SLC4A8: variants seen among roughly 807,000 people sequenced by gnomAD.
SLC4A8 encodes the protein electroneutral sodium bicarbonate exchanger 1.
Under a neutral mutation model 125.0 loss-of-function variants are expected in SLC4A8, and 40 were observed. That is an observed-to-expected ratio of 0.32 (90% CI 0.25 to 0.42). The LOEUF (loss-of-function observed/expected upper bound fraction) is 0.42. Among genes scored for constraint, SLC4A8 ranks in the 10% least tolerant of loss-of-function variants. The pLI, the probability that SLC4A8 is intolerant of heterozygous loss-of-function variation, is 1.00. For missense variants in SLC4A8, 863 were observed against 1,355.1 expected, an observed-to-expected ratio of 0.64 and a Z score of 5.70; for synonymous variants, 456 against 476.0, an observed-to-expected ratio of 0.96 and a Z score of 0.55.
Position 51,485,826 on chromosome 12 carries a change from A to G in SLC4A8, c.2212A>G (p.Ile738Val), listed in dbSNP as rs761124198. ...MVSDFAVFLT[I>V]FTMVIIDFLI... ...GAGTGACTTTGCTGTTTTCCTCACT[A>G]TCTTCACAATGGTGATTATTGATTT... is the stretch of plus-strand genomic sequence containing the variant. Residue 738 changes from isoleucine to valine, a missense_variant, in exon 17 of 25, where the codon ATC becomes GTC. Around this residue, in one of 6 missense-constraint regions of SLC4A8, gnomAD observed 197 missense variants for 377.7 expected, o/e 0.52. Coordinates refer to ENST00000453097, the MANE Select transcript of SLC4A8 (RefSeq NM_001039960.3). 2.1e-5 allele frequency: 34 copies of G among 1,613,458 alleles called. No homozygotes were observed. In the East Asian group the frequency reaches 6.7e-4, roughly 32 times the overall value.
intron 1 of SLC4A8, among the ~76,000 whole-genome samples, chr12:51,434,236 G>A (rs1329047604): frequency 1.3e-5 from 2 of 151,960 alleles, no homozygotes; most frequent in Non-Finnish European, 2.9e-5. Context: ...TATTTCATGA[G>A]TAAAAATTTC....
At chr12:51,459,675 G>T (rs1233068621) in intron 7 of SLC4A8, among the ~76,000 whole-genome samples, 3 of 152,036 alleles carry the variant, frequency 2.0e-5, no homozygotes, top group African/African-American at 7.3e-5. Flanking sequence ...TTTGAGACTA[G>T]ACTGGCGAAA....
chr12:51,470,409 G>A lies in SLC4A8; in HGVS notation c.1542G>A (p.Leu514=). The A allele has an allele frequency of 6.2e-7, 1 of 1,614,060 alleles. No homozygotes were observed. The highest frequency in any genetic ancestry group is 1.7e-4 in the Middle Eastern group (1 of 6,060). Residue 514 remains leucine, a synonymous_variant, in exon 13 of 25, where the codon TTG becomes TTA. Transcript: ENST00000453097. ...TEGRISAIES[L]FGASMTGIAY... Reference sequence around the variant, plus strand: ...CCTCTCAGAGTGCAATTGAATCCTTGTTTGGAGCTTCCATGACTGGGATTG... The same window carrying A: ...CCTCTCAGAGTGCAATTGAATCCTTATTTGGAGCTTCCATGACTGGGATTG...
chr12:51,432,815 CT>C (rs1949240682), intron 1 of SLC4A8, among the ~76,000 whole-genome samples: 1 of 152,008 alleles, frequency 6.6e-6, no homozygotes, highest in Non-Finnish European at 1.5e-5. Context: ...AAACACTTGA[CT>C]TTTTTGGGGG....
chr12:51,500,517 T>TGTATCA (rs1937810707), intron 22 of SLC4A8, among the ~76,000 whole-genome samples: 1 of 152,138 alleles, frequency 6.6e-6, no homozygotes, highest in Non-Finnish European at 1.5e-5. Flanking sequence ...ATGTTTCTAT[T>TGTATCA]TGTATCATGA....
intron 16 of SLC4A8, among the ~76,000 whole-genome samples, chr12:51,483,736 G>T (rs1951091052): frequency 1.3e-5 from 2 of 151,862 alleles, no homozygotes; most frequent in African/African-American, 4.8e-5. Flanking sequence ...TTTTAACAGG[G>T]ATTCTTTTTT....
At chr12:51,398,113 C>T (rs1323289398) in intron 1 of SLC4A8, among the ~76,000 whole-genome samples, 2 of 152,142 alleles carry the variant, frequency 1.3e-5, no homozygotes, top group African/African-American at 2.4e-5. Flanking sequence ...TTTATAAGCA[C>T]AGCAGTTCCC....
At chr12:51,493,813 A>G (rs2138413909) in intron 20 of SLC4A8, 41 bp downstream of exon 20, 1 of 1,247,044 alleles carries the variant, frequency 8.0e-7, no homozygotes, top group South Asian at 1.2e-5. Context: ...TCTCACTGCA[A>G]GTTTGCATGT....
chr12:51,456,690 G>T (rs973112934), intron 5 of SLC4A8, among the ~76,000 whole-genome samples: 2 of 152,088 alleles, frequency 1.3e-5, no homozygotes, highest in Non-Finnish European at 2.9e-5. Flanking sequence ...AAACAATGTG[G>T]GCCTTTAACT....
At chr12:51,412,900 T>A (rs535028673) in intron 1 of SLC4A8, among the ~76,000 whole-genome samples, 6 of 152,368 alleles carry the variant, frequency 3.9e-5, no homozygotes, top group African/African-American at 1.4e-4. Flanking sequence ...ATCCCTTTGA[T>A]ATACTGATTT....
intron 19 of SLC4A8, among the ~76,000 whole-genome samples, 195 bp downstream of exon 19, chr12:51,490,146 G>T (rs1951270563): frequency 6.6e-6 from 1 of 152,180 alleles, no homozygotes. Context: ...GATAACTACA[G>T]AATGTGAATA....
At chr12:51,465,020 G>A (rs1435825076) in intron 11 of SLC4A8, among the ~76,000 whole-genome samples, 1 of 152,120 alleles carries the variant, frequency 6.6e-6, no homozygotes, top group Admixed American at 6.6e-5. Flanking sequence ...CCACTGAAAA[G>A]GGGAAGCAGC....
rs1951229392 is a variant in SLC4A8 at position 51,488,875 on chromosome 12, T to C, written c.2448+15T>C. 1 of 1,606,322 alleles carries C rather than the reference T, an allele frequency of 6.2e-7. No homozygotes were observed. The highest frequency in any genetic ancestry group is 2.2e-5 in the East Asian group (1 of 44,796). ...ATAAGCTCAAGGTAAAAAGAGGTTC[T>C]GACCTAGAAGGCTGCTGTGGCAACC... On this transcript the variant is annotated intron_variant, in intron 18 of 24. Coordinates refer to ENST00000453097, the MANE Select transcript of SLC4A8 (RefSeq NM_001039960.3).
chr12:51,444,439 G>T (rs922922502), intron 2 of SLC4A8, among the ~76,000 whole-genome samples: 1 of 152,144 alleles, frequency 6.6e-6, no homozygotes, highest in Admixed American at 6.5e-5. Context: ...CAAAAGACAG[G>T]CATTGCGATT....
Position 51,471,315 on chromosome 12 carries a change from C to T in SLC4A8, c.1687C>T (p.Arg563Ter). ...KDYALSYLSL[R>*]ACIGLWTAFL... ...CTATGCTCTTTCATACCTCTCCCTG[C>T]GAGCTTGTATTGGACTGTGGACCGC... Residue 563 changes from arginine to a stop codon, truncating the protein, a stop_gained, in exon 14 of 25, where the codon CGA becomes TGA. Transcript: ENST00000453097. LOFTEE classifies it high-confidence loss of function. The T allele has an allele frequency of 6.2e-7, 1 of 1,613,272 alleles. No homozygotes were observed. Among genetic ancestry groups the T allele is most frequent in the Non-Finnish European group, 8.5e-7 (1 of 1,179,896 alleles).
chr12:51,485,597 C>T (rs1286271363), intron 16 of SLC4A8, among the ~76,000 whole-genome samples, 190 bp from the exon 17 acceptor site: 1 of 152,166 alleles, frequency 6.6e-6, no homozygotes, highest in African/African-American at 2.4e-5. Flanking sequence ...TTCATTCTCC[C>T]TCATCATATC....
intron 1 of SLC4A8, among the ~76,000 whole-genome samples, chr12:51,435,237 T>C (rs572319517): frequency 1.1e-4 from 17 of 152,354 alleles, no homozygotes; most frequent in Middle Eastern, 3.4e-3. Flanking sequence ...TTAGTGGCTG[T>C]TGAAAATCAG....
At chr12:51,483,045 T>C (rs529243255) in intron 16 of SLC4A8, among the ~76,000 whole-genome samples, 2 of 152,294 alleles carry the variant, frequency 1.3e-5, no homozygotes, top group East Asian at 3.9e-4. Context: ...CATCATTCTT[T>C]TGTGGTTCCC....
At chr12:51,472,127 A>G (rs1950717221) in intron 14 of SLC4A8, among the ~76,000 whole-genome samples, 1 of 152,230 alleles carries the variant, frequency 6.6e-6, no homozygotes, top group African/African-American at 2.4e-5. Flanking sequence ...GATCACTTGG[A>G]AAAGAAACAC....
Sources: allele counts gnomAD v4.1 joint callset (sites outside exome capture counted in the v4.1 genomes callset), GRCh38; gene constraint gnomAD v4.1.1; regional missense constraint gnomAD v4.1.1; transcripts MANE v1.5; gene names NCBI Gene and HGNC (gene_info 2026-07-23, HGNC 2026-07-21).